The following PHF20L1 variants were observed in gnomAD, a reference collection of about 807,000 sequenced individuals.
PHF20L1 encodes the protein PHD finger protein 20-like protein 1.
A neutral mutation model predicts 125.5 loss-of-function variants in PHF20L1; 44 were observed. The ratio of observed to expected loss-of-function variants is 0.35; its 90% CI spans 0.28 to 0.45. The LOEUF (loss-of-function observed/expected upper bound fraction) is 0.45. Among genes scored for constraint, PHF20L1 ranks in the 20% least tolerant of loss-of-function variants. The pLI, the probability that PHF20L1 is intolerant of heterozygous loss-of-function variation, is 1.00. For synonymous variants in PHF20L1, 380 were observed against 403.1 expected (o/e 0.94, Z 0.69); for missense variants, 1,012 against 1,217.2 (o/e 0.83, Z 2.51).
chr8:132,830,124 C>T (rs1836602123), intron 14 of PHF20L1, among the ~76,000 whole-genome samples: 1 of 152,060 alleles, frequency 6.6e-6, no homozygotes, highest in Non-Finnish European at 1.5e-5. Flanking sequence ...TCTGGAGGCT[C>T]TTAGGGACAG....
At chr8:132,839,102 T>C in intron 17 of PHF20L1, 1 of 303,164 alleles carries the variant, frequency 3.3e-6, no homozygotes. Flanking sequence ...GGACAGATGA[T>C]GACTACAAAA....
At chr8:132,816,412 G>A (rs981336895) in intron 10 of PHF20L1, 1 of 151,524 alleles carries the variant, frequency 6.6e-6, no homozygotes, top group African/African-American at 2.4e-5. Context: ...ATTTACATTA[G>A]TGTAAAGTAA....
intron 12 of PHF20L1, among the ~76,000 whole-genome samples, chr8:132,820,357 G>A (rs763483688): frequency 5.3e-5 from 8 of 151,796 alleles, no homozygotes; most frequent in Non-Finnish European, 8.8e-5. Flanking sequence ...GGCACCTTGG[G>A]CCAACAGTTA....
chr8:132,832,067 T>C (rs1326169461), intron 14 of PHF20L1, among the ~76,000 whole-genome samples, 168 bp from the exon 15 acceptor site: 1 of 152,108 alleles, frequency 6.6e-6, no homozygotes, highest in Non-Finnish European at 1.5e-5. Flanking sequence ...TCCCAAGTGT[T>C]CTTGCTAAAC....
chr8:132,790,637 T>G (rs1436168351), intron 2 of PHF20L1, among the ~76,000 whole-genome samples: 1 of 152,208 alleles, frequency 6.6e-6, no homozygotes, highest in African/African-American at 2.4e-5. Context: ...TCCTCCAATC[T>G]CTGAACATGA....
chr8:132,833,778 C>G (rs185357400), intron 15 of PHF20L1, among the ~76,000 whole-genome samples: 87 of 152,258 alleles, frequency 5.7e-4, no homozygotes, highest in African/African-American at 2.0e-3. Flanking sequence ...ACTCTCTGTT[C>G]TTAGTCTCTG....
Position 132,817,522 on chromosome 8 carries a change from G to A in PHF20L1, c.1556G>A (p.Gly519Glu). The change falls in exon 12 of 21, where the codon GGA (glycine) becomes GAA (glutamate). Residue 519 changes from glycine to glutamate, a missense_variant. By Grantham distance (98) the Gly-to-Glu change is moderately conservative. Coordinates refer to ENST00000395386, the MANE Select transcript of PHF20L1 (RefSeq NM_016018.5). The stretch of plus-strand genomic sequence containing the variant: ...CCTTCTTCCAAAGCAATAGCTGATG[G>A]AAGAGGAGCTCCAGCAGCAGCAGGT... ...PNPSSKAIAD[G>E]RGAPAAAGIS... 6.2e-7 allele frequency: 1 copy of A among 1,611,606 alleles called. No homozygotes were observed. Among genetic ancestry groups the A allele is most frequent in the Non-Finnish European group, 8.5e-7 (1 of 1,178,852 alleles).
chr8:132,845,023 C>T (rs997178225), intron 20 of PHF20L1, among the ~76,000 whole-genome samples: 1 of 151,796 alleles, frequency 6.6e-6, no homozygotes, highest in African/African-American at 2.4e-5. Flanking sequence ...CCTTTTTTTC[C>T]CCCTTGAGAG....
At chr8:132,798,496 A>T (rs2131503398) in intron 4 of PHF20L1, among the ~76,000 whole-genome samples, 1 of 152,164 alleles carries the variant, frequency 6.6e-6, no homozygotes, top group South Asian at 2.1e-4. Context: ...CATTTAAATT[A>T]CTGCAAAATA....
intron 1 of PHF20L1, among the ~76,000 whole-genome samples, chr8:132,777,074 A>C (rs1317185740): frequency 6.6e-6 from 1 of 152,208 alleles, no homozygotes; most frequent in East Asian, 1.9e-4. Context: ...ACACTGTCTA[A>C]ATTGAAATAT....
In PHF20L1 at chr8:132,847,418, G is replaced by C. The variant is rs113897793; in HGVS notation, c.*1495G>C. 6.6e-6 allele frequency: 1 copy of C among 152,372 alleles called. No individual in the cohort carries two copies. The highest frequency in any genetic ancestry group is 1.5e-5 in the Non-Finnish European group (1 of 67,976). The allele number at this position is 152,372 out of a possible 1,614,324, so 9.4% of individuals were successfully genotyped here. On this transcript the variant is annotated 3_prime_UTR_variant, in exon 21 of 21. Coordinates refer to ENST00000395386, the MANE Select transcript of PHF20L1 (RefSeq NM_016018.5). ...TGCCTCATTCTGTTTATCAGTTCTC[G>C]CAATCTGTATAAATGCATTTTAGAA...
chr8:132,824,996 T>A, intron 13 of PHF20L1: 1 of 1,378,010 alleles, frequency 7.3e-7, no homozygotes, highest in Non-Finnish European at 9.7e-7. Flanking sequence ...AGAATATTAC[T>A]CATTGAAGGT....
chr8:132,777,988 C>A, intron 2 of PHF20L1, 77 bp downstream of exon 2: 1 of 870,510 alleles, frequency 1.1e-6, no homozygotes, highest in Non-Finnish European at 1.9e-6. Flanking sequence ...ACAGTAAATT[C>A]CACTGATGGT....
At position 132,842,660 on chromosome 8, in the gene PHF20L1, C is replaced by G; in HGVS notation, c.2533C>G (p.Pro845Ala). The G allele has an allele frequency of 6.2e-7, 1 of 1,613,148 alleles. No homozygotes were observed. The highest frequency in any genetic ancestry group is 8.5e-7 in the Non-Finnish European group (1 of 1,179,552). The stretch of plus-strand genomic sequence containing the variant: ...GAAATATGTACAGAACCATAAAGAA[C>G]CACCTCGTTTGCCCCTAAAAATGGA... ...EKKYVQNHKEPPRLPLKMEGT... is the reference protein window; with the variant it reads ...EKKYVQNHKEAPRLPLKMEGT... Residue 845 changes from proline to alanine, a missense_variant, in exon 19 of 21, where the codon CCA becomes GCA. By Grantham distance (27) the Pro-to-Ala change is conservative. Transcript: ENST00000395386.
At chr8:132,791,254 C>CTTTT (rs1184118420) in intron 2 of PHF20L1, among the ~76,000 whole-genome samples, 4 of 117,128 alleles carry the variant, frequency 3.4e-5, no homozygotes, top group Admixed American at 8.8e-5. Context: ...GAGTTATTTC[C>CTTTT]TTTTTTTTTT....
At chr8:132,807,768 G>A (rs1054302394) in intron 8 of PHF20L1, 2 of 455,436 alleles carry the variant, frequency 4.4e-6, no homozygotes, top group Non-Finnish European at 4.4e-6. Context: ...AATACTGGAA[G>A]GTTGTAACTT....
chr8:132,800,507 G>A (rs1832924325), intron 6 of PHF20L1, among the ~76,000 whole-genome samples: 1 of 84,406 alleles, frequency 1.2e-5, no homozygotes, highest in African/African-American at 2.8e-5. Context: ...GCAAAGCTAA[G>A]GGGGGCCTAT....
rs1004713629 is a variant in PHF20L1 at position 132,816,935 on chromosome 8, C to T, written c.1231C>T (p.Arg411Trp). 22 of 1,611,910 alleles carry T rather than the reference C, an allele frequency of 1.4e-5. No homozygotes were observed. The highest frequency in any genetic ancestry group is 2.2e-5 in the East Asian group (1 of 44,816). Residue 411 changes from arginine (R) to tryptophan (W), a missense_variant, in exon 11 of 21, where the codon CGG (arginine) becomes TGG (tryptophan). By Grantham distance (101) the Arg-to-Trp change is moderately radical (BLOSUM62 -3). Around this residue, in one of 7 missense-constraint regions of PHF20L1, gnomAD observed 119 missense variants for 160.2 expected, o/e 0.74. Coordinates refer to ENST00000395386, the MANE Select transcript of PHF20L1 (RefSeq NM_016018.5). The part of the protein sequence containing the change: ...NPPRPFKHSE[R>W]RRRSQRLATL... ...CCCTAGACCTTTCAAGCATAGTGAG[C>T]GGAGAAGAAGATCTCAGCGTTTAGC...
intron 18 of PHF20L1, among the ~76,000 whole-genome samples, chr8:132,840,478 T>A (rs1837819045): frequency 1.3e-5 from 2 of 152,174 alleles, no homozygotes; most frequent in Admixed American, 1.3e-4. Context: ...GTAAGCTTAG[T>A]AAAAGATAAA....
Sources: gnomAD v4.1 joint callset for allele counts (sites outside exome capture counted in the v4.1 genomes callset) on GRCh38, gnomAD v4.1.1 for gene constraint, gnomAD v4.1.1 regional missense constraint, MANE v1.5 for transcripts, NCBI Gene and HGNC (gene_info 2026-07-23, HGNC 2026-07-21) for gene names.